The following RAD51B variants were observed in gnomAD, a reference collection of about 807,000 sequenced individuals.
The protein encoded by RAD51B is DNA repair protein RAD51 homolog 2.
RAD51B carries 38 observed loss-of-function variants against 42.2 expected under a neutral mutation model. The ratio of observed to expected loss-of-function variants is 0.90; its 90% confidence interval spans 0.70 to 1.18. RAD51B has a LOEUF of 1.18. Among genes scored for constraint, RAD51B ranks in the 50% most tolerant of loss-of-function variants. The pLI, the probability that RAD51B is intolerant of heterozygous loss-of-function variation, is 0.00. For missense variants in RAD51B, 373 were observed against 400.7 expected, an observed-to-expected ratio of 0.93 and a Z score of 0.59; for synonymous variants, 154 against 145.2, an observed-to-expected ratio of 1.06 and a Z score of -0.43.
chr14:67,928,344 A>G (rs2044601021), intron 7 of RAD51B, among the ~76,000 whole-genome samples: 1 of 152,176 alleles, frequency 6.6e-6, no homozygotes, highest in Admixed American at 6.6e-5. Context: ...TTAATAGGCA[A>G]GAAAGAAGGA....
At chr14:68,546,160 G>T (rs1888222982) in intron 10 of RAD51B, among the ~76,000 whole-genome samples, 1 of 152,204 alleles carries the variant, frequency 6.6e-6, no homozygotes, top group South Asian at 2.1e-4. Flanking sequence ...TGTTTAGACA[G>T]TTGTCTCCAG....
chr14:68,551,173 G>A (rs1888547207), intron 10 of RAD51B, among the ~76,000 whole-genome samples: 1 of 151,990 alleles, frequency 6.6e-6, no homozygotes, highest in South Asian at 2.1e-4. Context: ...CTCCCCACAC[G>A]GCTGCTGTCC....
intron 9 of RAD51B, among the ~76,000 whole-genome samples, chr14:68,462,338 G>A (rs2085865605): frequency 6.6e-6 from 1 of 152,126 alleles, no homozygotes. Context: ...TGAGATCAAG[G>A]ACCTCTCTGT....
At chr14:67,852,259 C>T (rs2041845753) in intron 4 of RAD51B, among the ~76,000 whole-genome samples, 1 of 152,246 alleles carries the variant, frequency 6.6e-6, no homozygotes, top group Non-Finnish European at 1.5e-5. Flanking sequence ...GCAGGGCCTG[C>T]AGTCTGACTG....
chr14:67,905,961 C>T (rs2043768960), intron 7 of RAD51B, among the ~76,000 whole-genome samples: 1 of 152,012 alleles, frequency 6.6e-6, no homozygotes, highest in Non-Finnish European at 1.5e-5. Context: ...TGTGGGCATC[C>T]TTGCCTTGTT....
chr14:68,408,784 A>G (rs1252517326), intron 8 of RAD51B, among the ~76,000 whole-genome samples: 3 of 152,210 alleles, frequency 2.0e-5, no homozygotes, highest in Non-Finnish European at 4.4e-5. Flanking sequence ...AGTTTTTTAC[A>G]ATTTTAAAAT....
At chr14:68,238,059 T>C (rs1231531071) in intron 7 of RAD51B, among the ~76,000 whole-genome samples, 1 of 152,164 alleles carries the variant, frequency 6.6e-6, no homozygotes, top group Non-Finnish European at 1.5e-5. Context: ...CTGGGTTATA[T>C]GTTAACTCTG....
chr14:68,541,797 A>G, intron 10 of RAD51B: 1 of 985,392 alleles, frequency 1.0e-6, no homozygotes, highest in Non-Finnish European at 1.2e-6. Context: ...ATGACTTTAA[A>G]TGGCCACTCT....
chr14:68,522,098 C>T (rs966442263), intron 10 of RAD51B, among the ~76,000 whole-genome samples: 2 of 152,202 alleles, frequency 1.3e-5, no homozygotes, highest in African/African-American at 4.8e-5. Context: ...TCCCAGTCCA[C>T]ACTCAGGGCC....
At chr14:68,526,543 T>C (rs1413024896) in intron 10 of RAD51B, among the ~76,000 whole-genome samples, 4 of 152,210 alleles carry the variant, frequency 2.6e-5, no homozygotes, top group African/African-American at 9.7e-5. Flanking sequence ...CATGAACATG[T>C]CCTCCAGGAA....
chr14:68,503,801 C>A (rs533681918), intron 10 of RAD51B, among the ~76,000 whole-genome samples: 68 of 152,320 alleles, frequency 4.5e-4, no homozygotes, highest in Admixed American at 7.2e-4. Flanking sequence ...CAAGAGGAAT[C>A]CTTTGAGGGT....
intron 7 of RAD51B, among the ~76,000 whole-genome samples, chr14:68,107,190 T>C (rs1355879734): frequency 6.6e-6 from 1 of 151,822 alleles, no homozygotes; most frequent in Non-Finnish European, 1.5e-5. Flanking sequence ...AAACAATTAT[T>C]CCTTTTTTAC....
At chr14:68,657,459 G>A (rs1892839631) in intron 11 of RAD51B, among the ~76,000 whole-genome samples, 1 of 152,240 alleles carries the variant, frequency 6.6e-6, no homozygotes, top group Admixed American at 6.5e-5. Flanking sequence ...GGGATTACAG[G>A]TGTGAGCCAC....
chr14:68,077,450 T>C (rs2076851399), intron 7 of RAD51B, among the ~76,000 whole-genome samples: 1 of 152,210 alleles, frequency 6.6e-6, no homozygotes, highest in Non-Finnish European at 1.5e-5. Flanking sequence ...TCTGATTATG[T>C]AGAAAGGTGC....
chr14:68,599,125 G>A (rs779648848), downstream of RAD51B, among the ~76,000 whole-genome samples: 45 of 152,230 alleles, frequency 3.0e-4, no homozygotes, highest in Non-Finnish European at 5.3e-4. Flanking sequence ...GCTGACCGTC[G>A]GACATCGGCC....
intron 7 of RAD51B, among the ~76,000 whole-genome samples, chr14:67,939,962 A>G (rs2045103486): frequency 7.1e-6 from 1 of 139,876 alleles, no homozygotes; most frequent in South Asian, 2.2e-4. Flanking sequence ...CTCATAACAT[A>G]CATTATATAT....
intron 8 of RAD51B, among the ~76,000 whole-genome samples, chr14:68,365,612 G>C (rs1018593297): frequency 4.6e-5 from 7 of 152,296 alleles, no homozygotes; most frequent in African/African-American, 1.7e-4. Context: ...TAACTTACCA[G>C]TGTGATCTAC....
At chr14:68,438,928 C>T (rs1463553350) in intron 9 of RAD51B, among the ~76,000 whole-genome samples, 1 of 152,120 alleles carries the variant, frequency 6.6e-6, no homozygotes, top group African/African-American at 2.4e-5. Context: ...TTCTGAAAGA[C>T]CCACATCTGC....
chr14:68,465,081 G>A (rs1295285253), intron 9 of RAD51B, among the ~76,000 whole-genome samples: 1 of 152,016 alleles, frequency 6.6e-6, no homozygotes, highest in African/African-American at 2.4e-5. Flanking sequence ...CTTTTTTTCT[G>A]GGTCTCAGTT....
Sources: gnomAD v4.1 joint callset for allele counts (sites outside exome capture counted in the v4.1 genomes callset) on GRCh38, gnomAD v4.1.1 for gene constraint, MANE v1.5 for transcripts, NCBI Gene and HGNC (gene_info 2026-07-23, HGNC 2026-07-21) for gene names.